Variants in DUSP13B observed in about 807,000 individuals in gnomAD.
DUSP13B encodes the protein dual specificity phosphatase 13B, also known as dual specificity protein phosphatase 13B.
At chr10:75,095,046 A>C in the DUSP13B span, among the ~76,000 whole-genome samples, 1 of 152,246 alleles carries the variant, frequency 6.6e-6, no homozygotes, top group East Asian at 1.9e-4. Flanking sequence ...GCTCAAAGTC[A>C]CATAGCAAGT....
At chr10:75,095,470 G>A in the DUSP13B span, 7 of 1,037,160 alleles carry the variant, frequency 6.7e-6, no homozygotes, top group Non-Finnish European at 1.0e-5. Context: ...GAGGGTTACT[G>A]AAAGGGTTTG....
chr10:75,104,436 G>C, the DUSP13B span, among the ~76,000 whole-genome samples: 1 of 152,140 alleles, frequency 6.6e-6, no homozygotes, highest in Non-Finnish European at 1.5e-5. Context: ...GTGCAATGCT[G>C]TACCCCTGCC....
At chr10:75,099,688 G>T in the DUSP13B span, 13 of 505,682 alleles carry the variant, frequency 2.6e-5, no homozygotes, top group Non-Finnish European at 3.8e-5. Flanking sequence ...AAGACCGTTG[G>T]TTCCATAAAC....
At chr10:75,103,377 C>T in the DUSP13B span, among the ~76,000 whole-genome samples, 1 of 152,222 alleles carries the variant, frequency 6.6e-6, no homozygotes, top group Non-Finnish European at 1.5e-5. Flanking sequence ...GGTCTTCAGA[C>T]AGCCCTGGGC....
chr10:75,099,345 C>G, the DUSP13B span: 1 of 1,232,094 alleles, frequency 8.1e-7, no homozygotes, highest in African/African-American at 1.6e-5. Flanking sequence ...GGGAGGCTGT[C>G]GGGCAAGGCG....
the DUSP13B span, among the ~76,000 whole-genome samples, chr10:75,107,776 C>A: frequency 6.6e-6 from 1 of 152,250 alleles, no homozygotes; most frequent in East Asian, 1.9e-4. Flanking sequence ...GAGGTTTCAC[C>A]GTGTTGGCCA....
At chr10:75,103,973 A>G in the DUSP13B span, 1 of 1,337,902 alleles carries the variant, frequency 7.5e-7, no homozygotes, top group Non-Finnish European at 9.9e-7. Flanking sequence ...TCTAGGGCCG[A>G]CCCCACGCTG....
the DUSP13B span, among the ~76,000 whole-genome samples, chr10:75,103,390 C>T: frequency 6.6e-6 from 1 of 152,098 alleles, no homozygotes; most frequent in Non-Finnish European, 1.5e-5. Context: ...CCCTGGGCTG[C>T]AGGCAGAAGC....
At chr10:75,108,730 C>T in the DUSP13B span, among the ~76,000 whole-genome samples, 1 of 152,202 alleles carries the variant, frequency 6.6e-6, no homozygotes, top group Non-Finnish European at 1.5e-5. Context: ...ATTTCCTGGG[C>T]CTCTGCCTCT....
At chr10:75,103,926 G>A in the DUSP13B span, 2 of 1,316,022 alleles carry the variant, frequency 1.5e-6, no homozygotes, top group Middle Eastern at 2.2e-4. Context: ...CTGAGAGGGG[G>A]TGTAGGCGCC....
At chr10:75,102,518 G>T in the DUSP13B span, among the ~76,000 whole-genome samples, 1 of 152,220 alleles carries the variant, frequency 6.6e-6, no homozygotes, top group African/African-American at 2.4e-5. Flanking sequence ...CATTTTAAAA[G>T]GTCCCTTGGC....
the DUSP13B span, chr10:75,109,162 C>T: frequency 1.3e-6 from 2 of 1,575,304 alleles, no homozygotes; most frequent in Admixed American, 3.6e-5. Flanking sequence ...AGCCATGGGC[C>T]AGCCCGCCCA....
chr10:75,100,622 T>G, the DUSP13B span, among the ~76,000 whole-genome samples: 1 of 152,100 alleles, frequency 6.6e-6, no homozygotes, highest in African/African-American at 2.4e-5. Context: ...CGAGCTCCCC[T>G]CCCACTCCCT....
the DUSP13B span, among the ~76,000 whole-genome samples, chr10:75,098,859 A>G: frequency 1.3e-5 from 2 of 152,224 alleles, no homozygotes; most frequent in African/African-American, 4.8e-5. Flanking sequence ...AGTGATGCCC[A>G]AAGCCATACG....
the DUSP13B span, chr10:75,097,781 A>T: frequency 6.2e-7 from 1 of 1,613,878 alleles, no homozygotes; most frequent in Non-Finnish European, 8.5e-7. Flanking sequence ...ACGGACCCAC[A>T]GCAAGCGCTG....
chr10:75,097,998 G>GGCTTCAT, the DUSP13B span: 2 of 939,752 alleles, frequency 2.1e-6, no homozygotes, highest in Non-Finnish European at 3.0e-6. Flanking sequence ...CTGCAGGAAG[G>GGCTTCAT]GCTTCATCTA....
chr10:75,095,891 C>T, the DUSP13B span: 26 of 1,165,670 alleles, frequency 2.2e-5, no homozygotes, highest in Middle Eastern at 5.6e-4. Flanking sequence ...CCGCCCACCA[C>T]CCACCAAGGG....
At chr10:75,099,484 C>A in the DUSP13B span, 6 of 1,232,132 alleles carry the variant, frequency 4.9e-6, no homozygotes, top group African/African-American at 1.6e-5. Flanking sequence ...CAGGACTCTG[C>A]CTGAGCGGAA....
At chr10:75,102,029 C>A in the DUSP13B span, 2 of 1,221,552 alleles carry the variant, frequency 1.6e-6, no homozygotes, top group Non-Finnish European at 2.2e-6. Flanking sequence ...TCCCCTGCCA[C>A]TCCCAACTTG....
Sources: allele counts gnomAD v4.1 joint callset (sites outside exome capture counted in the v4.1 genomes callset), GRCh38; gene constraint gnomAD v4.1.1; transcripts MANE v1.5; gene names NCBI Gene and HGNC (gene_info 2026-07-23, HGNC 2026-07-21).